Variants in RUNDC3B observed in about 807,000 individuals in gnomAD.
RUNDC3B encodes the protein RUN domain containing 3B, also known as RUN domain-containing protein 3B.
Under a neutral mutation model 58.4 loss-of-function variants are expected in RUNDC3B, and 33 were observed. The observed-to-expected ratio is 0.56, with a 90% CI of 0.43 to 0.75. RUNDC3B has a LOEUF of 0.75. Among genes scored for constraint, RUNDC3B ranks in the 30% least tolerant of loss-of-function variants. The pLI is 0.00. For missense variants in RUNDC3B, 501 were observed against 535.7 expected (o/e 0.94, Z 0.64); for synonymous variants, 193 against 195.2 (o/e 0.99, Z 0.10).
At chr7:87,782,703 TCTTAA>T (rs1179059257) in intron 8 of RUNDC3B, among the ~76,000 whole-genome samples, 10 of 152,162 alleles carry the variant, frequency 6.6e-5, no homozygotes, top group Non-Finnish European at 1.0e-4. Context: ...TAAATTTCTG[TCTTAA>T]CTTCATTGTT....
chr7:87,816,529 C>T (rs1563228908), intron 10 of RUNDC3B, among the ~76,000 whole-genome samples: 3 of 152,192 alleles, frequency 2.0e-5, no homozygotes, highest in South Asian at 4.1e-4. Flanking sequence ...TTTTGTGTCA[C>T]TTCAATAAAA....
chr7:87,723,456 A>T (rs1831025061), intron 4 of RUNDC3B, among the ~76,000 whole-genome samples: 1 of 152,148 alleles, frequency 6.6e-6, no homozygotes, highest in African/African-American at 2.4e-5. Flanking sequence ...TTCTTTTGAG[A>T]ATTTTAGTTA....
Position 87,734,526 on chromosome 7 carries a change from A to G in RUNDC3B, c.459-5265A>G, listed in dbSNP as rs116422469. ...TCAATCCTACCCTTATAGAACATAT[A>G]CCAGTACCTCCTACCTTAAAAAAAA... On this transcript the variant is annotated intron_variant, in intron 4 of 10. Transcript: ENST00000394654. Among the ~76,000 whole-genome samples the G allele has an allele frequency of 4.9e-3, 753 of 152,226 alleles. 7 individuals are homozygous for G. The highest frequency in any genetic ancestry group is 0.017 in the African/African-American group (722 of 41,546).
In RUNDC3B at chr7:87,807,512, T is replaced by C. The variant is rs761505687; in HGVS notation, c.1096T>C (p.Trp366Arg). The C allele has an allele frequency of 3.1e-6, 5 of 1,612,210 alleles. No homozygotes were observed. The highest frequency in any genetic ancestry group is 2.2e-5 in the South Asian group (2 of 91,022). Reference sequence around the variant, plus strand: ...GCTTTACCGAAAACACAATAAACAGTGGTATGAGTAAGTGTAATACTTTTT... The same window carrying C: ...GCTTTACCGAAAACACAATAAACAGCGGTATGAGTAAGTGTAATACTTTTT... ...TLLYRKHNKQ[W>R]YEKSYQSLDQ... Residue 366 changes from tryptophan to arginine, a missense_variant, in exon 9 of 11, where the codon TGG (tryptophan) becomes CGG (arginine). Physicochemically the swap from Trp to Arg is moderately radical, Grantham distance 101. Coordinates refer to ENST00000394654, the MANE Select transcript of RUNDC3B (RefSeq NM_001134405.2).
intron 3 of RUNDC3B, among the ~76,000 whole-genome samples, chr7:87,702,931 T>A (rs1356066084): frequency 6.6e-6 from 1 of 152,202 alleles, no homozygotes; most frequent in Non-Finnish European, 1.5e-5. Context: ...TATACCTAAC[T>A]AACTCAACTA....
chr7:87,679,546 C>T (rs540454006), intron 2 of RUNDC3B, among the ~76,000 whole-genome samples: 1 of 150,098 alleles, frequency 6.7e-6, no homozygotes, highest in African/African-American at 2.5e-5. Flanking sequence ...CACACCACTA[C>T]ACCCAGCTAA....
intron 7 of RUNDC3B, among the ~76,000 whole-genome samples, chr7:87,772,167 GTTATTACC>G (rs1399927187): frequency 1.5e-4 from 23 of 152,006 alleles, no homozygotes; most frequent in African/African-American, 5.1e-4. Flanking sequence ...ATTTTGAGCA[GTTATTACC>G]TTTTTGTTTA....
chr7:87,786,356 T>G (rs985150806), intron 8 of RUNDC3B, among the ~76,000 whole-genome samples: 4 of 152,082 alleles, frequency 2.6e-5, no homozygotes, highest in Admixed American at 1.3e-4. Context: ...AACAAAAAAT[T>G]TTAATATTTT....
chr7:87,738,509 A>G (rs376744905), intron 4 of RUNDC3B, among the ~76,000 whole-genome samples: 1 of 152,032 alleles, frequency 6.6e-6, no homozygotes, highest in African/African-American at 2.4e-5. Context: ...GTCAGAGAGT[A>G]AATAGTTGAC....
intron 8 of RUNDC3B, among the ~76,000 whole-genome samples, chr7:87,800,843 C>A (rs554704463): frequency 8.0e-4 from 121 of 152,116 alleles, no homozygotes; most frequent in Non-Finnish European, 1.4e-3. Context: ...TAGATAGGTT[C>A]TCACTGTGTT....
At chr7:87,692,420 G>C (rs1828101314) in intron 2 of RUNDC3B, among the ~76,000 whole-genome samples, 1 of 152,178 alleles carries the variant, frequency 6.6e-6, no homozygotes, top group South Asian at 2.1e-4. Context: ...ATGCATCACT[G>C]AGCTCCAGCC....
intron 6 of RUNDC3B, among the ~76,000 whole-genome samples, chr7:87,744,950 T>C (rs188943395): frequency 3.2e-4 from 49 of 152,304 alleles, no homozygotes; most frequent in Non-Finnish European, 4.7e-4. Context: ...TGGCTGTGGG[T>C]TTGTCATAGA....
intron 4 of RUNDC3B, among the ~76,000 whole-genome samples, chr7:87,739,556 C>A (rs150312791): frequency 0.015 from 2,232 of 151,950 alleles, 24 homozygotes; most frequent in Non-Finnish European, 0.026. Context: ...ACAGAGAATT[C>A]TTTTTGTTAT....
At chr7:87,715,016 TTC>T (rs1274136077) in intron 4 of RUNDC3B, among the ~76,000 whole-genome samples, 1 of 151,682 alleles carries the variant, frequency 6.6e-6, no homozygotes, top group Non-Finnish European at 1.5e-5. Context: ...TTAGGAGCAT[TTC>T]ATCTTTTATT....
At chr7:87,828,859 G>T (rs1048716225) in intron 10 of RUNDC3B, among the ~76,000 whole-genome samples, 1 of 152,132 alleles carries the variant, frequency 6.6e-6, no homozygotes, top group African/African-American at 2.4e-5. Context: ...TAACAAATGT[G>T]TAACAGGCAA....
chr7:87,735,844 T>C (rs1005721071), intron 4 of RUNDC3B, among the ~76,000 whole-genome samples: 2 of 152,196 alleles, frequency 1.3e-5, no homozygotes, highest in Non-Finnish European at 2.9e-5. Flanking sequence ...TCTTTGTCTT[T>C]TGTTTCTTGC....
intron 2 of RUNDC3B, among the ~76,000 whole-genome samples, chr7:87,699,691 C>T (rs1483441857): frequency 4.6e-5 from 7 of 152,212 alleles, no homozygotes; most frequent in Admixed American, 2.6e-4. Flanking sequence ...CAAGCATGAG[C>T]TACCATGCCC....
chr7:87,691,808 G>C (rs1828040853), intron 2 of RUNDC3B, among the ~76,000 whole-genome samples: 1 of 152,114 alleles, frequency 6.6e-6, no homozygotes, highest in Non-Finnish European at 1.5e-5. Context: ...CATCAGTCAG[G>C]TCCTGCCTAT....
intron 2 of RUNDC3B, 74 bp from the exon 3 acceptor site, chr7:87,700,347 T>C: frequency 7.8e-7 from 1 of 1,276,746 alleles, no homozygotes; most frequent in Non-Finnish European, 1.1e-6. Flanking sequence ...TTTCAGAATT[T>C]TATTGTTCTT....
Sources: allele counts gnomAD v4.1 joint callset (sites outside exome capture counted in the v4.1 genomes callset), GRCh38; gene constraint gnomAD v4.1.1; transcripts MANE v1.5; gene names NCBI Gene and HGNC (gene_info 2026-07-23, HGNC 2026-07-21).